The following CCDC138 variants were observed in gnomAD, a reference collection of about 807,000 sequenced individuals.
The protein encoded by CCDC138 is coiled-coil domain-containing protein 138.
In CCDC138, 66 loss-of-function variants were observed where a neutral mutation model predicts 82.3. The observed-to-expected ratio is 0.80, with a 90% CI of 0.66 to 0.98. The LOEUF (loss-of-function observed/expected upper bound fraction) is 0.98. Ranked by LOEUF, CCDC138 falls within the 50% of genes least tolerant of loss-of-function variation. The pLI is 0.00. For synonymous variants in CCDC138, 297 were observed against 265.4 expected (o/e 1.12, Z -1.16); for missense variants, 816 against 758.9 (o/e 1.08, Z -0.88).
chr2:108,850,730 C>T (rs1208032546), intron 12 of CCDC138, among the ~76,000 whole-genome samples: 2 of 152,126 alleles, frequency 1.3e-5, no homozygotes, highest in Non-Finnish European at 2.9e-5. Context: ...GGATTACAGG[C>T]GTGAGCCACT....
In CCDC138 at chr2:108,802,994, A is replaced by C. The variant is rs546670559; in HGVS notation, c.736-1895A>C. ...AGGGATGAAGCCCACTTTGCTTTCA[A>C]AGCCTTTGCAATGTTGCTGTGGAGT... On this transcript the variant is annotated intron_variant, in intron 6 of 14. Coordinates refer to ENST00000295124, the MANE Select transcript of CCDC138 (RefSeq NM_144978.3). 2.0e-5 allele frequency among the ~76,000 whole-genome samples: 3 copies of C among 152,218 alleles called. No individual in the cohort carries two copies. In the South Asian group the frequency reaches 6.2e-4, roughly 32 times the overall value.
At chr2:108,798,751 C>A (rs1681356347) in intron 6 of CCDC138, among the ~76,000 whole-genome samples, 165 bp downstream of exon 6, 1 of 127,858 alleles carries the variant, frequency 7.8e-6, no homozygotes, top group Non-Finnish European at 1.6e-5. Context: ...TTTTTCTGAT[C>A]CATTTGAAAG....
intron 13 of CCDC138, among the ~76,000 whole-genome samples, chr2:108,858,061 C>T (rs116826350): frequency 0.029 from 4,341 of 152,180 alleles, 193 homozygotes; most frequent in African/African-American, 0.1. Flanking sequence ...CTCTCAAATT[C>T]AGCCAGGTGC....
intron 10 of CCDC138, among the ~76,000 whole-genome samples, chr2:108,825,746 T>A (rs564181939): frequency 6.6e-6 from 1 of 152,338 alleles, no homozygotes; most frequent in East Asian, 1.9e-4. Flanking sequence ...TTATGAATGG[T>A]GTTGCTATGA....
intron 2 of CCDC138, chr2:108,884,540 TG>T (rs758301135): frequency 3.3e-5 from 5 of 152,188 alleles, no homozygotes; most frequent in Non-Finnish European, 5.9e-5. Flanking sequence ...AAGAGATCTT[TG>T]TTTTGTTTTT....
At chr2:108,816,976 T>C (rs1413404355) in intron 10 of CCDC138, among the ~76,000 whole-genome samples, 1 of 152,230 alleles carries the variant, frequency 6.6e-6, no homozygotes, top group African/African-American at 2.4e-5. Context: ...TCATTACAGA[T>C]GTGGGCCACT....
chr2:108,793,674 G>A (rs1025759030), intron 4 of CCDC138, among the ~76,000 whole-genome samples: 1 of 151,458 alleles, frequency 6.6e-6, no homozygotes, highest in Non-Finnish European at 1.5e-5. Context: ...TGGGCTCACT[G>A]TAAGCTCCGC....
chr2:108,876,451 A>G lies in CCDC138; in HGVS notation c.*198A>G, dbSNP rs14402. On this transcript the variant is annotated 3_prime_UTR_variant, in exon 15 of 15. Coordinates refer to ENST00000295124, the MANE Select transcript of CCDC138 (RefSeq NM_144978.3). ...GGAATGTTTCAGTTCAGGTAAGGTA[A>G]TACTAATATACAAGATGGCGTTTCT... 353,994 of 379,412 alleles carry G rather than the reference A, an allele frequency of 0.93. 165,287 individuals are homozygous for G. The highest frequency in any genetic ancestry group is 1 in the East Asian group (25,963 of 25,976). 23.5% of individuals were successfully genotyped at this position (379,412 alleles called of 1,614,324 possible).
At chr2:108,880,552 T>C (rs895001232), downstream of CCDC138, among the ~76,000 whole-genome samples, 1 of 152,108 alleles carries the variant, frequency 6.6e-6, no homozygotes, top group Non-Finnish European at 1.5e-5. Context: ...GACTCTCTTG[T>C]TAGAGTTTAA....
At chr2:108,874,208 G>A (rs1014859390) in intron 14 of CCDC138, among the ~76,000 whole-genome samples, 1 of 152,112 alleles carries the variant, frequency 6.6e-6, no homozygotes, top group Non-Finnish European at 1.5e-5. Context: ...ATGTACTAAA[G>A]TGAATTTAGG....
At chr2:108,793,604 G>GTT (rs1042573468) in intron 4 of CCDC138, among the ~76,000 whole-genome samples, 1 of 145,490 alleles carries the variant, frequency 6.9e-6, no homozygotes, top group African/African-American at 2.5e-5. Context: ...GTTTTGTTTT[G>GTT]TTTTTTTTTT....
At chr2:108,859,131 G>T (rs1693141518) in intron 13 of CCDC138, among the ~76,000 whole-genome samples, 1 of 152,090 alleles carries the variant, frequency 6.6e-6, no homozygotes, top group Non-Finnish European at 1.5e-5. Flanking sequence ...TGTGGTTTTG[G>T]TTTGCATTTC....
At chr2:108,842,471 C>T (rs757555418) in intron 11 of CCDC138, among the ~76,000 whole-genome samples, 2 of 152,058 alleles carry the variant, frequency 1.3e-5, no homozygotes, top group Non-Finnish European at 2.9e-5. Context: ...GGCAAGTGCC[C>T]TTATTGGAGT....
chr2:108,811,245 C>CTTTTTTTTTTTTTTTTT (rs144518921), intron 7 of CCDC138, among the ~76,000 whole-genome samples: 3 of 109,628 alleles, frequency 2.7e-5, no homozygotes, highest in African/African-American at 1.3e-4. Context: ...CTTTCTCTCT[C>CTTTTTTTTTTTTTTTTT]TCTTTTTTTT....
In CCDC138 at chr2:108,788,912, G is replaced by A. The variant is rs1193413673; in HGVS notation, c.212G>A (p.Ser71Asn). 2 of 1,614,126 alleles carry A rather than the reference G, an allele frequency of 1.2e-6. No individual in the cohort carries two copies. Among genetic ancestry groups the A allele is most frequent in the Non-Finnish European group, 1.7e-6 (2 of 1,179,996 alleles). The change falls in exon 3 of 15, where the codon AGC (serine) becomes AAC (asparagine). Residue 71 changes from serine to asparagine, a missense_variant. Coordinates refer to ENST00000295124, the MANE Select transcript of CCDC138 (RefSeq NM_144978.3). ...TCATCGTTAAAATATTCTGATGAAAGCAAGCATTGTAGAACACCATTGGGC... is the reference window on the plus strand; with the variant it reads ...TCATCGTTAAAATATTCTGATGAAAACAAGCATTGTAGAACACCATTGGGC... ...VGSSLKYSDE[S>N]KHCRTPLGSL...
intron 13 of CCDC138, among the ~76,000 whole-genome samples, chr2:108,869,534 G>A (rs921152052): frequency 6.6e-6 from 1 of 152,188 alleles, no homozygotes; most frequent in African/African-American, 2.4e-5. Flanking sequence ...GGGCACCATA[G>A]CACATGAAAA....
At position 108,786,876 on chromosome 2, in the gene CCDC138, C is replaced by A; in HGVS notation, c.54C>A (p.Leu18=). 6.3e-7 allele frequency: 1 copy of A among 1,574,832 alleles called. No homozygotes were observed. Among genetic ancestry groups the A allele is most frequent in the Non-Finnish European group, 8.6e-7 (1 of 1,163,128 alleles). The stretch of plus-strand genomic sequence containing the variant: ...GGCAGGATTTAGTAGTGGAGAGTCT[C>A]AAAAGCCGCTACGGACTCGGGGGCA... The part of the protein sequence containing the change: ...PPGQDLVVES[L]KSRYGLGGSC... The change falls in exon 1 of 15, where the codon CTC becomes CTA. Residue 18 remains leucine, a synonymous_variant. Transcript: ENST00000295124.
chr2:108,845,867 AGCCTCATT>A (rs1690372490), intron 11 of CCDC138, among the ~76,000 whole-genome samples: 1 of 152,188 alleles, frequency 6.6e-6, no homozygotes, highest in African/African-American at 2.4e-5. Context: ...CACCGCGCCC[AGCCTCATT>A]TTATTCTTAA....
chr2:108,809,268 G>T (rs1038560189), intron 7 of CCDC138, among the ~76,000 whole-genome samples: 1 of 152,104 alleles, frequency 6.6e-6, no homozygotes, highest in Admixed American at 6.6e-5. Context: ...CAGTTTTGTT[G>T]TTTTCGCACA....
Sources: gnomAD v4.1 joint callset for allele counts (sites outside exome capture counted in the v4.1 genomes callset) on GRCh38, gnomAD v4.1.1 for gene constraint, MANE v1.5 for transcripts, NCBI Gene and HGNC (gene_info 2026-07-23, HGNC 2026-07-21) for gene names.